The following GABRA3 variants were observed in gnomAD, a reference collection of about 807,000 sequenced individuals.
GABRA3 encodes gamma-aminobutyric acid receptor subunit alpha-3.
Under a neutral mutation model 30.1 loss-of-function variants are expected in GABRA3, and 10 were observed. The observed-to-expected ratio is 0.33, with a 90% CI of 0.20 to 0.56. The LOEUF (loss-of-function observed/expected upper bound fraction) is 0.56. Among genes scored for constraint, GABRA3 ranks in the 20% least tolerant of loss-of-function variants. The pLI is 0.89. For synonymous variants in GABRA3, 151 were observed against 146.8 expected, an observed-to-expected ratio of 1.03 and a Z score of -0.21; for missense variants, 233 against 392.0, an observed-to-expected ratio of 0.59 and a Z score of 3.42.
At chrX:152,168,617 A>G (rs1936966642) in intron 9 of GABRA3, 54 bp from the exon 10 acceptor site, 1 of 953,347 alleles carries the variant, frequency 1.0e-6, no homozygotes, top group African/African-American at 1.9e-5. Context: ...AAGCTAATTA[A>G]TTCATTACAC....
intron 1 of GABRA3, among the ~76,000 whole-genome samples, chrX:152,427,915 C>T (rs781018336): frequency 1.8e-5 from 2 of 112,223 alleles, no homozygotes; most frequent in East Asian, 5.7e-4. Context: ...GCCACAACAT[C>T]TACAGCCAAA....
chrX:152,239,884 G>A (rs1449611150), intron 5 of GABRA3, among the ~76,000 whole-genome samples: 3 of 102,130 alleles, frequency 2.9e-5, no homozygotes, highest in Non-Finnish European at 5.8e-5. Context: ...GAGCCTATGT[G>A]TGTCTCTGCA....
chrX:152,228,264 G>GA (rs1938003604), intron 5 of GABRA3, among the ~76,000 whole-genome samples: 1 of 112,002 alleles, frequency 8.9e-6, no homozygotes, highest in Non-Finnish European at 1.9e-5. Context: ...AAGAACTAAT[G>GA]AAAAGAGCAC....
chrX:152,449,427 G>A (rs1004300499), intron 1 of GABRA3, among the ~76,000 whole-genome samples: 7 of 112,004 alleles, frequency 6.2e-5, no homozygotes, highest in South Asian at 3.7e-4. Context: ...TAAAATTTTC[G>A]GCACAGAACA....
chrX:152,395,665 T>C (rs1434508663), intron 1 of GABRA3, among the ~76,000 whole-genome samples: 1 of 111,813 alleles, frequency 8.9e-6, no homozygotes, highest in East Asian at 2.8e-4. Context: ...TAATGAATGA[T>C]AATAGAGAAG....
intron 4 of GABRA3, among the ~76,000 whole-genome samples, chrX:152,264,300 T>G (rs1602620): frequency 0.083 from 9,264 of 111,314 alleles, 822 homozygotes; most frequent in African/African-American, 0.26. Context: ...GACAGTAGAA[T>G]AAGATATAAA....
intron 3 of GABRA3, among the ~76,000 whole-genome samples, chrX:152,339,907 A>G (rs1369258444): frequency 9.0e-6 from 1 of 111,138 alleles, no homozygotes; most frequent in East Asian, 2.8e-4. Flanking sequence ...TCTTTAACCC[A>G]CTTGTGGTTT....
chrX:152,268,283 A>T (rs1438503172), intron 4 of GABRA3, among the ~76,000 whole-genome samples: 1 of 111,639 alleles, frequency 9.0e-6, no homozygotes, highest in East Asian at 2.8e-4. Context: ...ATTCCATGTC[A>T]TGGGAGGGAC....
intron 3 of GABRA3, among the ~76,000 whole-genome samples, chrX:152,326,452 A>G (rs5969891): frequency 0.22 from 24,848 of 110,532 alleles, 2,714 homozygotes; most frequent in African/African-American, 0.43. Context: ...GGCAGCCAGA[A>G]AGAAAGGTCG....
chrX:152,278,185 T>G (rs1460058454), intron 4 of GABRA3, among the ~76,000 whole-genome samples: 3 of 111,143 alleles, frequency 2.7e-5, no homozygotes, highest in Non-Finnish European at 5.7e-5. Context: ...TGTATACATG[T>G]GCCATGTTGG....
chrX:152,305,082 A>G (rs1240606807), intron 3 of GABRA3, among the ~76,000 whole-genome samples: 2 of 111,006 alleles, frequency 1.8e-5, no homozygotes, highest in African/African-American at 6.6e-5. Flanking sequence ...TCAATAGCTT[A>G]TGCCTGCTTA....
chrX:152,175,062 T>G (rs1937055200), intron 9 of GABRA3, among the ~76,000 whole-genome samples: 2 of 112,102 alleles, frequency 1.8e-5, no homozygotes, highest in Admixed American at 9.5e-5. Flanking sequence ...CTTTCCCCAT[T>G]GCTTGTTTTT....
At chrX:152,232,139 A>G (rs1221951323) in intron 5 of GABRA3, among the ~76,000 whole-genome samples, 1 of 111,797 alleles carries the variant, frequency 8.9e-6, no homozygotes, top group Non-Finnish European at 1.9e-5. Flanking sequence ...AATAAATTTT[A>G]TAATATGTAA....
chrX:152,217,680 T>C (rs768656631), intron 6 of GABRA3, among the ~76,000 whole-genome samples: 83 of 110,896 alleles, frequency 7.5e-4, no homozygotes, highest in Non-Finnish European at 8.4e-4. Context: ...AACTTCTATT[T>C]CTCCTTCAGT....
intron 1 of GABRA3, among the ~76,000 whole-genome samples, chrX:152,419,253 G>T (rs1930314989): frequency 9.0e-6 from 1 of 110,504 alleles, no homozygotes; most frequent in Admixed American, 9.7e-5. Flanking sequence ...TAACAAACCT[G>T]CACGTTGTGC....
chrX:152,369,388 C>G (rs1035937675), intron 1 of GABRA3, among the ~76,000 whole-genome samples: 2 of 109,974 alleles, frequency 1.8e-5, no homozygotes, highest in Non-Finnish European at 3.8e-5. Context: ...AATATATGAT[C>G]TACAAGGTCC....
intron 9 of GABRA3, among the ~76,000 whole-genome samples, chrX:152,168,885 G>A (rs1936969562): frequency 8.9e-6 from 1 of 112,371 alleles, no homozygotes; most frequent in Non-Finnish European, 1.9e-5. Flanking sequence ...GATCAGATAA[G>A]AGAATGGAGC....
At chrX:152,217,383 GAA>G (rs1186018744) in intron 6 of GABRA3, among the ~76,000 whole-genome samples, 4 of 111,411 alleles carry the variant, frequency 3.6e-5, no homozygotes, top group Non-Finnish European at 3.8e-5. Context: ...ATACTCATAA[GAA>G]ATACTTGTCT....
At chrX:152,237,875 GC>G (rs1345522590) in intron 5 of GABRA3, among the ~76,000 whole-genome samples, 1 of 110,050 alleles carries the variant, frequency 9.1e-6, no homozygotes, top group Non-Finnish European at 1.9e-5. Flanking sequence ...TTGCTTATCA[GC>G]TTAAGGATAT....
Sources: gnomAD v4.1 joint callset for allele counts (sites outside exome capture counted in the v4.1 genomes callset) on GRCh38, gnomAD v4.1.1 for gene constraint, MANE v1.5 for transcripts, NCBI Gene and HGNC (gene_info 2026-07-23, HGNC 2026-07-21) for gene names.